The following TTK variants were observed in gnomAD, a reference collection of about 807,000 sequenced individuals.
TTK encodes the protein dual specificity protein kinase TTK.
TTK carries 59 observed loss-of-function variants against 117.3 expected under a neutral mutation model. That is an observed-to-expected ratio of 0.50 (90% confidence interval 0.41 to 0.62). The LOEUF (loss-of-function observed/expected upper bound fraction) is 0.62, where lower values mean the gene tolerates loss of function less well. Among genes scored for constraint, TTK ranks in the 20% least tolerant of loss-of-function variants. The pLI is 0.00. For missense variants in TTK, 921 were observed against 989.4 expected (o/e 0.93, Z 0.93); for synonymous variants, 302 against 325.0 (o/e 0.93, Z 0.76).
At chr6:80,011,667 A>G (rs1312405542) in intron 6 of TTK, 62 bp from the exon 7 acceptor site, 1 of 1,578,622 alleles carries the variant, frequency 6.3e-7, no homozygotes, top group Non-Finnish European at 8.7e-7. Flanking sequence ...GTTTAGCAGT[A>G]GAGTAGAAAT....
At chr6:80,005,768 T>C in intron 1 of TTK, 74 bp from the exon 2 acceptor site, 2 of 1,538,146 alleles carry the variant, frequency 1.3e-6, no homozygotes, top group South Asian at 1.2e-5. Flanking sequence ...TCGTCTGGGT[T>C]CTAAAAAGCT....
At chr6:80,023,881 A>G (rs1208097779) in intron 11 of TTK, among the ~76,000 whole-genome samples, 2 of 152,224 alleles carry the variant, frequency 1.3e-5, no homozygotes, top group Admixed American at 1.3e-4. Flanking sequence ...AAGATCTCTT[A>G]AGTAGTAGAT....
intron 13 of TTK, among the ~76,000 whole-genome samples, chr6:80,028,657 C>G (rs1269080449): frequency 6.6e-6 from 1 of 152,104 alleles, no homozygotes; most frequent in Non-Finnish European, 1.5e-5. Context: ...TGCTAGTGAG[C>G]AGCTTCATTT....
intron 16 of TTK, 74 bp from the exon 17 acceptor site, chr6:80,036,401 C>A: frequency 6.6e-7 from 1 of 1,511,856 alleles, no homozygotes; most frequent in Non-Finnish European, 8.9e-7. Context: ...ACAGCTTGAC[C>A]TGTAGACTGT....
chr6:80,041,438 C>T (rs1361674438), intron 21 of TTK, among the ~76,000 whole-genome samples: 5 of 151,608 alleles, frequency 3.3e-5, no homozygotes, highest in Non-Finnish European at 1.5e-5. Context: ...CTTAAATTTT[C>T]TCAAATGCTA....
intron 12 of TTK, 122 bp from the exon 13 acceptor site, chr6:80,027,763 T>C: frequency 1.6e-6 from 1 of 643,012 alleles, no homozygotes. Context: ...TCATGAAAAC[T>C]AACTTGGGTT....
chr6:80,034,601 T>C (rs918482847), intron 14 of TTK, among the ~76,000 whole-genome samples: 4 of 152,174 alleles, frequency 2.6e-5, no homozygotes, highest in African/African-American at 9.7e-5. Context: ...TAGTTGGGAT[T>C]AAAGGAGCAA....
rs745942339 is a variant in TTK at position 80,042,137 on chromosome 6, AGTG to A, written c.2516_2518del (p.Gly839del). 3 of 1,601,232 alleles carry A rather than the reference AGTG, an allele frequency of 1.9e-6. No individual in the cohort carries two copies. The Admixed American group carries it at 5.1e-5, about 27-fold the overall frequency. On this transcript the variant is annotated inframe_deletion, in exon 22 of 22. Coordinates refer to ENST00000369798, the MANE Select transcript of TTK (RefSeq NM_003318.5). The stretch of plus-strand genomic sequence containing the variant: ...ATTTCAGACTTTATATGAACACTAT[AGTG>A]GTGGTGAAAGTCATAATTCTTCATC...
At chr6:80,035,487 C>A in intron 16 of TTK, 70 bp downstream of exon 16, 1 of 1,429,640 alleles carries the variant, frequency 7.0e-7, no homozygotes, top group East Asian at 2.5e-5. Context: ...GAGAAATATA[C>A]CTATAATTTT....
At chr6:80,010,380 G>A (rs1242133173) in intron 4 of TTK, among the ~76,000 whole-genome samples, 3 of 150,638 alleles carry the variant, frequency 2.0e-5, no homozygotes, top group Non-Finnish European at 4.4e-5. Context: ...TTAACTAAAT[G>A]TCATTATGAA....
chr6:80,004,860 G>A (rs957689173), intron 1 of TTK, 147 bp downstream of exon 1: 1 of 152,196 alleles, frequency 6.6e-6, no homozygotes, highest in Admixed American at 6.5e-5. Context: ...CGAGCTGGAG[G>A]GGGAGGGGAT....
In TTK at chr6:80,037,998, C is replaced by G; in HGVS notation, c.2081C>G (p.Ala694Gly). Residue 694 changes from alanine to glycine, a missense_variant, in exon 18 of 22, where the codon GCA (alanine) becomes GGA (glycine). Coordinates refer to ENST00000369798, the MANE Select transcript of TTK (RefSeq NM_003318.5). ...ACAGTTAATTATATGCCACCAGAAG[C>G]AATCAAAGATATGTCTTCCTCCAGA... ...VGTVNYMPPEAIKDMSSSREN... is the reference protein window; with the variant it reads ...VGTVNYMPPEGIKDMSSSREN... 4 of 1,610,104 alleles carry G rather than the reference C, an allele frequency of 2.5e-6. No homozygotes were observed. Among genetic ancestry groups the G allele is most frequent in the Non-Finnish European group, 2.5e-6 (3 of 1,177,824 alleles).
At chr6:80,033,849 C>T (rs73476061) in intron 14 of TTK, among the ~76,000 whole-genome samples, 5,705 of 151,996 alleles carry the variant, frequency 0.038, 342 homozygotes, top group African/African-American at 0.13. Context: ...TAATTGCTTT[C>T]GTAGAAATTA....
chr6:80,019,720 A>G (rs1767407839), intron 10 of TTK, among the ~76,000 whole-genome samples: 1 of 152,128 alleles, frequency 6.6e-6, no homozygotes, highest in African/African-American at 2.4e-5. Flanking sequence ...TGAACCACCA[A>G]TCTAAATTAA....
chr6:80,014,346 T>A (rs1767246818), intron 9 of TTK, 117 bp from the exon 10 acceptor site: 12 of 842,140 alleles, frequency 1.4e-5, no homozygotes, highest in Non-Finnish European at 1.8e-5. Context: ...CATATAATTA[T>A]AATAGAAAAT....
rs554887455 is a variant in TTK, at chr6:80,042,030, A to C, written c.2491-89A>C. The C allele has an allele frequency of 1.8e-4, 109 of 616,552 alleles. No homozygotes were observed. The East Asian group carries it at 3.1e-3, about 18-fold the overall frequency. 38.2% of individuals were successfully genotyped at this position (616,552 alleles called of 1,614,324 possible). On this transcript the variant is annotated intron_variant, in intron 21 of 21. Transcript: ENST00000369798. ...AGAACAAGAGAGAAATAAATGTATT[A>C]TATTTAGAATACATCAAAATACATC...
chr6:80,005,722 C>A, intron 1 of TTK, 120 bp from the exon 2 acceptor site: 1 of 1,051,824 alleles, frequency 9.5e-7, no homozygotes, highest in Non-Finnish European at 1.4e-6. Flanking sequence ...CTAATAATAG[C>A]TGCATTTAGA....
rs771026338 is a variant in TTK at position 80,036,600 on chromosome 6, G to A, written c.2049+1G>A. ...AACAAGTGTTGTTAAAGATTCTCAG[G>A]TAAGACTTAATGTTGGTTCTCTCAC... On this transcript the variant is annotated splice_donor_variant, in intron 17 of 21. Coordinates refer to ENST00000369798, the MANE Select transcript of TTK (RefSeq NM_003318.5). LOFTEE classifies it high-confidence loss of function. 1.2e-6 allele frequency: 2 copies of A among 1,605,262 alleles called. No homozygotes were observed. The highest frequency in any genetic ancestry group is 2.2e-5 in the South Asian group (2 of 89,304).
chr6:80,026,657 G>T, intron 12 of TTK, 143 bp downstream of exon 12: 1 of 1,220,268 alleles, frequency 8.2e-7, no homozygotes, highest in Admixed American at 2.8e-5. Context: ...CAGCATCAGT[G>T]TTTTCATCTA....
Sources: gnomAD v4.1 joint callset for allele counts (sites outside exome capture counted in the v4.1 genomes callset) on GRCh38, gnomAD v4.1.1 for gene constraint, MANE v1.5 for transcripts, NCBI Gene and HGNC (gene_info 2026-07-23, HGNC 2026-07-21) for gene names.